PPARGC1A: variants seen among roughly 807,000 people sequenced by gnomAD.
PPARGC1A encodes the protein peroxisome proliferator-activated receptor gamma coactivator 1-alpha.
A neutral mutation model predicts 88.7 loss-of-function variants in PPARGC1A; 25 were observed. The ratio of observed to expected loss-of-function variants is 0.28; its 90% CI spans 0.21 to 0.39. The LOEUF (loss-of-function observed/expected upper bound fraction) is 0.39, where lower values mean the gene tolerates loss of function less well. PPARGC1A is among the 10% of genes least tolerant of loss of function. The pLI is 1.00. For synonymous variants in PPARGC1A, 363 were observed against 355.6 expected (o/e 1.02, Z -0.24); for missense variants, 880 against 968.7 (o/e 0.91, Z 1.22).
chr4:24,304,059 G>A, the PPARGC1A span, among the ~76,000 whole-genome samples: 1 of 152,290 alleles, frequency 6.6e-6, no homozygotes, highest in Non-Finnish European at 1.5e-5. Flanking sequence ...AATCTCGAAA[G>A]ACAAGCTTCT....
intron 2 of PPARGC1A, among the ~76,000 whole-genome samples, chr4:23,861,057 G>C (rs1360960527): frequency 6.6e-6 from 1 of 152,112 alleles, no homozygotes; most frequent in Admixed American, 6.5e-5. Context: ...AGAACACTAC[G>C]ACCTCTAAGT....
At chr4:24,421,281 T>G in the PPARGC1A span, among the ~76,000 whole-genome samples, 1 of 151,970 alleles carries the variant, frequency 6.6e-6, no homozygotes, top group Admixed American at 6.6e-5. Flanking sequence ...TATTTATTGT[T>G]TATCTAGAAT....
At chr4:24,051,783 C>T in the PPARGC1A span, among the ~76,000 whole-genome samples, 5 of 151,814 alleles carry the variant, frequency 3.3e-5, no homozygotes, top group Admixed American at 2.6e-4. Context: ...AGTCAAGGAG[C>T]AATGAAAGCT....
chr4:23,999,515 T>A, the PPARGC1A span, among the ~76,000 whole-genome samples: 1 of 152,124 alleles, frequency 6.6e-6, no homozygotes, highest in African/African-American at 2.4e-5. Context: ...GTTGATTTTT[T>A]GTTGTTGTTG....
chr4:23,843,301 G>T (rs1454068519), intron 2 of PPARGC1A, among the ~76,000 whole-genome samples: 1 of 151,966 alleles, frequency 6.6e-6, no homozygotes, highest in Non-Finnish European at 1.5e-5. Flanking sequence ...ATTTGAAATA[G>T]GCAGTGAGGC....
At chr4:24,366,709 T>G in the PPARGC1A span, among the ~76,000 whole-genome samples, 1 of 152,160 alleles carries the variant, frequency 6.6e-6, no homozygotes, top group Non-Finnish European at 1.5e-5. Flanking sequence ...CCCCAAGACC[T>G]AAATTCTGAG....
chr4:23,956,499 C>A, the PPARGC1A span, among the ~76,000 whole-genome samples: 4 of 151,978 alleles, frequency 2.6e-5, no homozygotes, highest in Non-Finnish European at 5.9e-5. Flanking sequence ...GAGCTTGGAG[C>A]CTTAGAGCCC....
the PPARGC1A span, among the ~76,000 whole-genome samples, chr4:24,270,526 C>T: frequency 6.6e-6 from 1 of 152,046 alleles, no homozygotes; most frequent in Non-Finnish European, 1.5e-5. Context: ...ATTTTGACCA[C>T]CCAGGATAAA....
the PPARGC1A span, among the ~76,000 whole-genome samples, chr4:24,170,896 T>G: frequency 1.3e-5 from 2 of 152,182 alleles, no homozygotes; most frequent in Non-Finnish European, 2.9e-5. Flanking sequence ...ATCCCCTTTC[T>G]CTGACATCAT....
At chr4:24,227,147 C>T in the PPARGC1A span, among the ~76,000 whole-genome samples, 5 of 151,314 alleles carry the variant, frequency 3.3e-5, no homozygotes, top group Admixed American at 2.6e-4. Flanking sequence ...TGCAGTGGTG[C>T]GATCTCGGCT....
chr4:23,838,037 G>C (rs1726360234), intron 2 of PPARGC1A, among the ~76,000 whole-genome samples: 1 of 152,130 alleles, frequency 6.6e-6, no homozygotes, highest in Non-Finnish European at 1.5e-5. Context: ...TAACAATCCA[G>C]AGTTGACTAC....
chr4:24,403,449 G>A, the PPARGC1A span, among the ~76,000 whole-genome samples: 1 of 152,204 alleles, frequency 6.6e-6, no homozygotes, highest in Admixed American at 6.5e-5. Flanking sequence ...CAGGATGTGG[G>A]TGAGGAACAG....
At chr4:23,815,414 C>A (rs781707407) in intron 7 of PPARGC1A, among the ~76,000 whole-genome samples, 1 of 152,022 alleles carries the variant, frequency 6.6e-6, no homozygotes, top group African/African-American at 2.4e-5. Flanking sequence ...ACAGTGCCAG[C>A]CGACCATTTT....
At chr4:24,051,949 A>C in the PPARGC1A span, among the ~76,000 whole-genome samples, 4 of 152,058 alleles carry the variant, frequency 2.6e-5, no homozygotes, top group East Asian at 1.9e-4. Context: ...AAAAAAAAAA[A>C]AACTAAAAAG....
At chr4:23,961,935 G>A in the PPARGC1A span, among the ~76,000 whole-genome samples, 1 of 152,096 alleles carries the variant, frequency 6.6e-6, no homozygotes, top group African/African-American at 2.4e-5. Flanking sequence ...TGAAGGCCCT[G>A]GACAAAGAAA....
chr4:24,452,077 TG>T, the PPARGC1A span, among the ~76,000 whole-genome samples: 4 of 150,284 alleles, frequency 2.7e-5, no homozygotes, highest in Non-Finnish European at 5.9e-5. Context: ...GAACAAAGAC[TG>T]ACCTCCCCTG....
chr4:23,983,173 A>G, the PPARGC1A span, among the ~76,000 whole-genome samples: 3 of 152,296 alleles, frequency 2.0e-5, no homozygotes, highest in Admixed American at 6.5e-5. Context: ...GGCAAAATGT[A>G]GTCATTGTAC....
chr4:24,115,726 A>G, the PPARGC1A span, among the ~76,000 whole-genome samples: 7 of 152,282 alleles, frequency 4.6e-5, no homozygotes, highest in Admixed American at 6.5e-5. Flanking sequence ...CTGACAAAGT[A>G]TTAGAAAATC....
chr4:24,324,032 C>G, the PPARGC1A span, among the ~76,000 whole-genome samples: 3 of 152,306 alleles, frequency 2.0e-5, no homozygotes, highest in Non-Finnish European at 4.4e-5. Flanking sequence ...ACCCAAAACT[C>G]TGGCGCCGGT....
Sources: allele counts gnomAD v4.1 joint callset (sites outside exome capture counted in the v4.1 genomes callset), GRCh38; gene constraint gnomAD v4.1.1; transcripts MANE v1.5; gene names NCBI Gene and HGNC (gene_info 2026-07-23, HGNC 2026-07-21).